Variants in MAP3K20 observed in about 807,000 individuals in gnomAD.
The protein encoded by MAP3K20 is HCCS-4.
A neutral mutation model predicts 85.7 loss-of-function variants in MAP3K20; 40 were observed. The ratio of observed to expected loss-of-function variants is 0.47; its 90% CI spans 0.36 to 0.61. MAP3K20 has a LOEUF of 0.61. Among genes scored for constraint, MAP3K20 ranks in the 20% least tolerant of loss-of-function variants. MAP3K20 has a pLI of 0.00. For missense variants in MAP3K20, 817 were observed against 961.7 expected (o/e 0.85, Z 1.99); for synonymous variants, 325 against 327.7 (o/e 0.99, Z 0.09).
chr2:173,120,306 G>T (rs954198213), intron 2 of MAP3K20, among the ~76,000 whole-genome samples: 3 of 152,004 alleles, frequency 2.0e-5, no homozygotes, highest in African/African-American at 7.3e-5. Flanking sequence ...CAGCAGTCCT[G>T]CCTTTTATTG....
chr2:173,233,191 A>G (rs544408261), intron 14 of MAP3K20, among the ~76,000 whole-genome samples: 1 of 152,322 alleles, frequency 6.6e-6, no homozygotes, highest in Non-Finnish European at 1.5e-5. Flanking sequence ...TCTAGAGAGG[A>G]CAAAAATCCA....
chr2:173,254,142 A>T (rs1685104400), intron 16 of MAP3K20, among the ~76,000 whole-genome samples: 1 of 151,042 alleles, frequency 6.6e-6, no homozygotes, highest in Non-Finnish European at 1.5e-5. Context: ...TAGGCCAGGC[A>T]AAGTGGCTCA....
intron 2 of MAP3K20, among the ~76,000 whole-genome samples, chr2:173,163,955 T>G (rs955543298): frequency 4.3e-4 from 66 of 151,998 alleles, no homozygotes; most frequent in African/African-American, 1.5e-3. Flanking sequence ...CATCTGTTAT[T>G]TCTTGACTTT....
At chr2:173,252,063 A>G (rs899259505) in intron 16 of MAP3K20, among the ~76,000 whole-genome samples, 1 of 152,122 alleles carries the variant, frequency 6.6e-6, no homozygotes, top group Non-Finnish European at 1.5e-5. Flanking sequence ...GCTACCTTTT[A>G]ATCTCTTTTC....
At chr2:173,214,121 CTGAA>C (rs1683997570) in intron 10 of MAP3K20, among the ~76,000 whole-genome samples, 1 of 152,326 alleles carries the variant, frequency 6.6e-6, no homozygotes, top group South Asian at 2.1e-4. Context: ...TTTTAGAAAA[CTGAA>C]TGGTTATTCT....
intron 14 of MAP3K20, among the ~76,000 whole-genome samples, chr2:173,237,200 T>A (rs1026823729): frequency 6.6e-6 from 1 of 151,930 alleles, no homozygotes; most frequent in Non-Finnish European, 1.5e-5. Context: ...GGCTAATTTT[T>A]GTATTTTTAG....
chr2:173,187,511 A>G, intron 4 of MAP3K20, 47 bp from the exon 5 acceptor site: 1 of 1,493,056 alleles, frequency 6.7e-7, no homozygotes, highest in Non-Finnish European at 9.1e-7. Flanking sequence ...ATACTGATGT[A>G]ATGTTGAAAA....
intron 2 of MAP3K20, among the ~76,000 whole-genome samples, chr2:173,152,668 G>C (rs2106229131): frequency 6.6e-6 from 1 of 152,250 alleles, no homozygotes; most frequent in Non-Finnish European, 1.5e-5. Context: ...AGAAAAACTA[G>C]AATTTGGGGT....
intron 2 of MAP3K20, among the ~76,000 whole-genome samples, chr2:173,096,688 A>G (rs1394655689): frequency 1.3e-5 from 2 of 152,162 alleles, no homozygotes; most frequent in African/African-American, 4.8e-5. Context: ...ACACAACACT[A>G]ATTTTCCACT....
chr2:173,075,697 CG>C, upstream of MAP3K20: 5 of 938,048 alleles, frequency 5.3e-6, no homozygotes, highest in Non-Finnish European at 6.2e-6. Context: ...CGGCGGGTGC[CG>C]GGGCGCGGGG....
intron 11 of MAP3K20, among the ~76,000 whole-genome samples, chr2:173,218,063 T>G (rs1232489756): frequency 6.6e-6 from 1 of 152,206 alleles, no homozygotes; most frequent in African/African-American, 2.4e-5. Flanking sequence ...TCACTTAAAA[T>G]TACCCAAGTA....
In MAP3K20 at chr2:173,202,826, G is replaced by A. The variant is rs949822142; in HGVS notation, c.670-970G>A. Among the ~76,000 whole-genome samples, 12 of 152,256 alleles carry A rather than the reference G, an allele frequency of 7.9e-5. No individual in the cohort carries two copies. In the South Asian group the frequency reaches 1.4e-3, roughly 18 times the overall value. On this transcript the variant is annotated intron_variant, in intron 8 of 19. Transcript: ENST00000375213. Reference sequence around the variant, plus strand: ...TTGTTATGTCAGAAATCATGATAAAGTTATGAATCATGCAAGAATCAATAA... The same window carrying A: ...TTGTTATGTCAGAAATCATGATAAAATTATGAATCATGCAAGAATCAATAA...
chr2:173,207,864 C>G (rs960726807), intron 9 of MAP3K20, among the ~76,000 whole-genome samples: 1 of 152,016 alleles, frequency 6.6e-6, no homozygotes, highest in Non-Finnish European at 1.5e-5. Context: ...CCACAAAAAT[C>G]TACATTGTTA....
intron 1 of MAP3K20, among the ~76,000 whole-genome samples, chr2:173,076,928 T>A (rs78561366): frequency 0.02 from 3,091 of 152,348 alleles, 56 homozygotes; most frequent in Admixed American, 0.041. Context: ...GCCTAAAAAA[T>A]TTTTTTAAAA....
intron 1 of MAP3K20, among the ~76,000 whole-genome samples, chr2:173,076,965 TG>T (rs1488599124): frequency 3.3e-5 from 5 of 152,204 alleles, no homozygotes; most frequent in African/African-American, 1.2e-4. Context: ...TCGCTGAAAA[TG>T]TTATGTTTCT....
At chr2:173,258,382 G>T (rs1055970140) in intron 16 of MAP3K20, among the ~76,000 whole-genome samples, 1 of 152,046 alleles carries the variant, frequency 6.6e-6, no homozygotes, top group Admixed American at 6.5e-5. Context: ...TTAAAAGGTT[G>T]CCACTTAAAG....
At chr2:173,189,190 C>T (rs1374719217) in intron 5 of MAP3K20, among the ~76,000 whole-genome samples, 2 of 152,074 alleles carry the variant, frequency 1.3e-5, no homozygotes, top group African/African-American at 4.8e-5. Context: ...TTCTAGTGAG[C>T]ACTTGTTAAT....
At chr2:173,091,491 G>C (rs1687299150) in intron 2 of MAP3K20, among the ~76,000 whole-genome samples, 2 of 152,098 alleles carry the variant, frequency 1.3e-5, no homozygotes, top group Admixed American at 1.3e-4. Flanking sequence ...ACCTTCCCAG[G>C]GTTCAAGCTT....
intron 5 of MAP3K20, among the ~76,000 whole-genome samples, chr2:173,190,357 CCT>C (rs777589070): frequency 6.6e-6 from 1 of 152,012 alleles, no homozygotes; most frequent in South Asian, 2.1e-4. Flanking sequence ...ATATAAACCC[CCT>C]GAGAGCAAAG....
Sources: allele counts gnomAD v4.1 joint callset (sites outside exome capture counted in the v4.1 genomes callset), GRCh38; gene constraint gnomAD v4.1.1; transcripts MANE v1.5; gene names NCBI Gene and HGNC (gene_info 2026-07-23, HGNC 2026-07-21).